The following DPP10 variants were observed in gnomAD, a reference collection of about 807,000 sequenced individuals.
DPP10 encodes the protein inactive dipeptidyl peptidase 10.
DPP10 carries 33 observed loss-of-function variants against 120.9 expected under a neutral mutation model. The ratio of observed to expected loss-of-function variants is 0.27; its 90% CI spans 0.21 to 0.37. The LOEUF is 0.37. Among genes scored for constraint, DPP10 ranks in the 10% least tolerant of loss-of-function variants. The pLI, the probability that DPP10 is intolerant of heterozygous loss-of-function variation, is 1.00. For synonymous variants in DPP10, 337 were observed against 326.1 expected, an observed-to-expected ratio of 1.03 and a Z score of -0.36; for missense variants, 816 against 942.8, an observed-to-expected ratio of 0.87 and a Z score of 1.76.
chr2:114,787,353 C>T (rs1256290852), intron 1 of DPP10, among the ~76,000 whole-genome samples: 1 of 152,110 alleles, frequency 6.6e-6, no homozygotes, highest in Non-Finnish European at 1.5e-5. Flanking sequence ...GAGAGACAGG[C>T]AAAACGTGGA....
intron 1 of DPP10, among the ~76,000 whole-genome samples, chr2:114,473,917 T>C (rs925960743): frequency 1.3e-5 from 2 of 152,214 alleles, no homozygotes; most frequent in Non-Finnish European, 2.9e-5. Context: ...AAACAAAAGC[T>C]TAAAAGAATG....
At chr2:114,834,924 T>A (rs1687565413) in intron 1 of DPP10, among the ~76,000 whole-genome samples, 1 of 148,800 alleles carries the variant, frequency 6.7e-6, no homozygotes. Context: ...TATGTATATA[T>A]AAGCCATATC....
At chr2:114,902,753 C>T (rs1693684067) in intron 1 of DPP10, among the ~76,000 whole-genome samples, 1 of 152,154 alleles carries the variant, frequency 6.6e-6, no homozygotes, top group Non-Finnish European at 1.5e-5. Context: ...AAACACTCCC[C>T]ACCAGAGTGG....
At chr2:114,746,809 G>A (rs775531328) in intron 1 of DPP10, among the ~76,000 whole-genome samples, 18 of 152,158 alleles carry the variant, frequency 1.2e-4, no homozygotes, top group Non-Finnish European at 2.5e-4. Flanking sequence ...ACCTGAATGA[G>A]TAATCACAAG....
chr2:114,481,041 A>G (rs1208553392), intron 1 of DPP10, among the ~76,000 whole-genome samples: 1 of 152,018 alleles, frequency 6.6e-6, no homozygotes, highest in Non-Finnish European at 1.5e-5. Context: ...AAAAAACAGG[A>G]GAAAATCTTC....
intron 1 of DPP10, among the ~76,000 whole-genome samples, chr2:115,154,696 C>T (rs952324706): frequency 6.6e-6 from 1 of 151,856 alleles, no homozygotes. Context: ...GAGGCTCCCC[C>T]TACTTAGGCA....
chr2:115,605,825 T>G (rs1019539248), intron 5 of DPP10, among the ~76,000 whole-genome samples: 1 of 152,108 alleles, frequency 6.6e-6, no homozygotes, highest in African/African-American at 2.4e-5. Flanking sequence ...ATCAAACATC[T>G]TCCCAACAAT....
intron 1 of DPP10, among the ~76,000 whole-genome samples, chr2:114,535,413 A>G (rs925873815): frequency 1.3e-5 from 2 of 152,136 alleles, no homozygotes; most frequent in African/African-American, 4.8e-5. Context: ...CCATCTCTCT[A>G]CCTCGTAATT....
intron 21 of DPP10, among the ~76,000 whole-genome samples, chr2:115,834,978 C>T (rs541748077): frequency 1.0e-3 from 156 of 151,868 alleles, no homozygotes; most frequent in Non-Finnish European, 1.7e-3. Flanking sequence ...CCCAGCTGCT[C>T]GGGAGGCTGA....
At chr2:114,734,198 T>G (rs897246635) in intron 1 of DPP10, among the ~76,000 whole-genome samples, 1 of 152,156 alleles carries the variant, frequency 6.6e-6, no homozygotes, top group African/African-American at 2.4e-5. Context: ...TATAGAGAAT[T>G]CCCTTTTGTT....
chr2:114,544,616 G>T (rs914629787), intron 1 of DPP10, among the ~76,000 whole-genome samples: 1 of 151,924 alleles, frequency 6.6e-6, no homozygotes, highest in African/African-American at 2.4e-5. Context: ...AGAGTCATTG[G>T]GGGGACTCAA....
At chr2:115,157,915 T>A (rs1184650506) in intron 1 of DPP10, among the ~76,000 whole-genome samples, 1 of 152,124 alleles carries the variant, frequency 6.6e-6, no homozygotes, top group Non-Finnish European at 1.5e-5. Flanking sequence ...CAGATTTACC[T>A]CAGGAAGGGG....
chr2:115,161,718 G>A (rs2104966170), intron 1 of DPP10: 2 of 395,114 alleles, frequency 5.1e-6, no homozygotes, highest in Admixed American at 9.3e-5. Context: ...GCTTTGGGTG[G>A]CGGGGGGCGG....
chr2:115,800,576 G>A (rs531495935), intron 19 of DPP10, among the ~76,000 whole-genome samples: 2,333 of 151,294 alleles, frequency 0.015, 65 homozygotes, highest in African/African-American at 0.052. Context: ...TAGGTCTAAC[G>A]TTTAAGTCTT....
At chr2:115,664,958 G>T (rs1322060209) in intron 5 of DPP10, among the ~76,000 whole-genome samples, 7 of 152,036 alleles carry the variant, frequency 4.6e-5, no homozygotes, top group Non-Finnish European at 1.0e-4. Context: ...AAGTGCTCTA[G>T]TCGCCTATGG....
At chr2:114,621,084 C>A (rs1431508427) in intron 1 of DPP10, among the ~76,000 whole-genome samples, 1 of 151,964 alleles carries the variant, frequency 6.6e-6, no homozygotes, top group African/African-American at 2.4e-5. Flanking sequence ...GCTGGCCCAA[C>A]CATTGTCTGA....
chr2:114,872,392 G>A (rs762355996), intron 1 of DPP10, among the ~76,000 whole-genome samples: 2 of 152,030 alleles, frequency 1.3e-5, no homozygotes, highest in Non-Finnish European at 2.9e-5. Flanking sequence ...CCTCCCACAA[G>A]GTCCCTCCCC....
intron 1 of DPP10, among the ~76,000 whole-genome samples, chr2:115,060,723 G>T (rs1706335235): frequency 6.6e-6 from 1 of 152,154 alleles, no homozygotes; most frequent in African/African-American, 2.4e-5. Flanking sequence ...ATTCTGACAG[G>T]TTTCATTGGA....
At chr2:115,806,407 A>G (rs2150000309) in intron 19 of DPP10, among the ~76,000 whole-genome samples, 1 of 152,300 alleles carries the variant, frequency 6.6e-6, no homozygotes, top group African/African-American at 2.4e-5. Flanking sequence ...TTAGTACTAT[A>G]ATCATTATTA....
Sources: gnomAD v4.1 joint callset for allele counts (sites outside exome capture counted in the v4.1 genomes callset) on GRCh38, gnomAD v4.1.1 for gene constraint, MANE v1.5 for transcripts, NCBI Gene and HGNC (gene_info 2026-07-23, HGNC 2026-07-21) for gene names.